TTLL11: variants seen among roughly 807,000 people sequenced by gnomAD.
The protein encoded by TTLL11 is tubulin tyrosine ligase like 11.
A neutral mutation model predicts 51.7 loss-of-function variants in TTLL11; 42 were observed. That is an observed-to-expected ratio of 0.81 (90% CI 0.64 to 1.05). The LOEUF is 1.05. TTLL11 is among the 50% of genes least tolerant of loss of function. The probability of loss-of-function intolerance (pLI) is 0.00; values close to 1 mark genes in which losing one functional copy is unlikely to be tolerated. For missense variants in TTLL11, 799 were observed against 940.4 expected (o/e 0.85, Z 1.97); for synonymous variants, 381 against 383.5 (o/e 0.99, Z 0.08).
chr9:121,931,583 TTAAAAAAAAAAA>T (rs1386220103), intron 6 of TTLL11, among the ~76,000 whole-genome samples: 1 of 103,836 alleles, frequency 9.6e-6, no homozygotes, highest in Non-Finnish European at 2.0e-5. Flanking sequence ...TTTCTACTAT[TTAAAAAAAAAAA>T]AAAAAAAAAA....
chr9:121,879,611 G>A (rs1250571841), intron 6 of TTLL11, among the ~76,000 whole-genome samples: 1 of 152,206 alleles, frequency 6.6e-6, no homozygotes, highest in African/African-American at 2.4e-5. Context: ...GCATCACACA[G>A]GGGTGGCAAA....
chr9:122,081,550 A>G (rs959883076), intron 1 of TTLL11, among the ~76,000 whole-genome samples: 1 of 152,248 alleles, frequency 6.6e-6, no homozygotes, highest in Admixed American at 6.5e-5. Flanking sequence ...AGATAAATCT[A>G]TGTGAAAGTT....
intron 3 of TTLL11, among the ~76,000 whole-genome samples, chr9:122,019,455 T>C (rs1425736638): frequency 6.6e-6 from 1 of 152,182 alleles, no homozygotes; most frequent in African/African-American, 2.4e-5. Flanking sequence ...CATTTATTTT[T>C]ATTATTTTTT....
chr9:122,070,490 C>T (rs1328152337), intron 1 of TTLL11, among the ~76,000 whole-genome samples: 3 of 151,256 alleles, frequency 2.0e-5, no homozygotes, highest in Non-Finnish European at 4.4e-5. Flanking sequence ...CTTGTCCCCT[C>T]GGCCCCTGCA....
chr9:121,837,721 T>A (rs1588058850), intron 8 of TTLL11, among the ~76,000 whole-genome samples: 1 of 152,114 alleles, frequency 6.6e-6, no homozygotes, highest in African/African-American at 2.4e-5. Context: ...CCTTCCCTCC[T>A]GGGGTGGCAC....
At chr9:122,015,496 T>C (rs1347277769) in intron 3 of TTLL11, among the ~76,000 whole-genome samples, 1 of 152,158 alleles carries the variant, frequency 6.6e-6, no homozygotes, top group Non-Finnish European at 1.5e-5. Context: ...TTACTAGTTA[T>C]GCGCCAGAAC....
chr9:121,943,858 G>A (rs1444232389), intron 6 of TTLL11, among the ~76,000 whole-genome samples: 1 of 152,204 alleles, frequency 6.6e-6, no homozygotes, highest in East Asian at 1.9e-4. Context: ...CTATCCCCCT[G>A]TGCACCCCAC....
chr9:121,996,101 G>C (rs1843251332), intron 3 of TTLL11, among the ~76,000 whole-genome samples: 1 of 152,302 alleles, frequency 6.6e-6, no homozygotes, highest in African/African-American at 2.4e-5. Context: ...TTACCCCTGA[G>C]GATTTGGGGC....
At position 121,974,095 on chromosome 9, in the gene TTLL11, G is replaced by A; in HGVS notation, c.1395C>T (p.Pro465=). Reference sequence around the variant, plus strand: ...CTTTCACTTCTTCATCAACGAGGCTGGGGACATTTTCAAACACCCCTGGAG... The same window carrying A: ...CTTTCACTTCTTCATCAACGAGGCTAGGGACATTTTCAAACACCCCTGGAG... ...ELSPGVFENV[P]SLVDEEVKVA... is the part of the protein sequence containing the mutation. Residue 465 remains proline, a synonymous_variant, in exon 6 of 9, where the codon CCC becomes CCT. Coordinates refer to ENST00000321582, the MANE Select transcript of TTLL11 (RefSeq NM_001139442.2). 2 of 1,551,574 alleles carry A rather than the reference G, an allele frequency of 1.3e-6. No homozygotes were observed. The highest frequency in any genetic ancestry group is 1.7e-6 in the Non-Finnish European group (2 of 1,146,960).
At position 121,899,400 on chromosome 9, in the gene TTLL11, T is replaced by C. The variant is rs370913252; in HGVS notation, c.1482-28652A>G. ...ATACATATATATATATATATATATATATACACACACACACACATTTAGAGA... is the reference window on the plus strand; with the variant it reads ...ATACATATATATATATATATATATACATACACACACACACACATTTAGAGA... On this transcript the variant is annotated intron_variant, in intron 6 of 8. Coordinates refer to ENST00000321582, the MANE Select transcript of TTLL11 (RefSeq NM_001139442.2). Among the ~76,000 whole-genome samples the C allele has an allele frequency of 6.2e-3, 486 of 77,838 alleles. 4 individuals carry two copies. Among genetic ancestry groups the C allele is most frequent in the African/African-American group, 0.015 (423 of 28,594 alleles). 51.1% of individuals were successfully genotyped at this position (77,838 alleles called of 152,430 possible).
chr9:121,986,677 G>A lies in TTLL11; in HGVS notation c.1269+2518C>T, dbSNP rs111956958. ...CCTGAATAGCCCTCCAAAAGGTGCC[G>A]CCAGCCTGCCTGGAAATCCTGCTGG... On this transcript the variant is annotated intron_variant, in intron 4 of 8. Coordinates refer to ENST00000321582, the MANE Select transcript of TTLL11 (RefSeq NM_001139442.2). 5.4e-3 allele frequency among the ~76,000 whole-genome samples: 821 copies of A among 152,008 alleles called. 1 individual carries two copies. Among genetic ancestry groups the A allele is most frequent in the Non-Finnish European group, 9.7e-3 (659 of 67,972 alleles).
chr9:122,001,514 TGAAGGGG>T (rs1386391345), intron 3 of TTLL11, among the ~76,000 whole-genome samples: 4 of 37,290 alleles, frequency 1.1e-4, no homozygotes, highest in African/African-American at 2.2e-4. Context: ...GTGGGAATCA[TGAAGGGG>T]GAAGGGGGGG....
chr9:122,069,613 T>C (rs1588255189), intron 1 of TTLL11, among the ~76,000 whole-genome samples: 1 of 151,812 alleles, frequency 6.6e-6, no homozygotes, highest in South Asian at 2.1e-4. Flanking sequence ...ACCCAGGAGG[T>C]GGAGCTTGCA....
Position 121,821,205 on chromosome 9 carries a change from T to C in TTLL11, c.*1382A>G, listed in dbSNP as rs1588046355. Among the ~76,000 whole-genome samples the C allele has an allele frequency of 6.6e-6, 1 of 152,070 alleles. No homozygotes were observed. The highest frequency in any genetic ancestry group is 1.5e-5 in the Non-Finnish European group (1 of 68,008). On this transcript the variant is annotated 3_prime_UTR_variant, in exon 9 of 9. Coordinates refer to ENST00000321582, the MANE Select transcript of TTLL11 (RefSeq NM_001139442.2). This position sits in a 1 kb window ranked among gnomAD's most constrained non-coding sequence, Gnocchi z 5.0. ...AACCAGGTCAACTGCTCTTATCAGT[T>C]TGGGTCAGGAGTCAGGGACAGGATG...
chr9:121,820,499 C>T lies in TTLL11; in HGVS notation c.*2088G>A, dbSNP rs1159153087. ...TTTAGGAGCCCTGACTGCCTTGTCC[C>T]ATGCCACCAGACCATGACGGACCCC... On this transcript the variant is annotated 3_prime_UTR_variant, in exon 9 of 9. Coordinates refer to ENST00000321582, the MANE Select transcript of TTLL11 (RefSeq NM_001139442.2). 6.6e-6 allele frequency among the ~76,000 whole-genome samples: 1 copy of T among 152,172 alleles called. No homozygotes were observed. The highest frequency in any genetic ancestry group is 1.5e-5 in the Non-Finnish European group (1 of 68,028).
In TTLL11 at chr9:121,818,580, G is replaced by A. The variant is rs1241151591; in HGVS notation, c.*4007C>T. 10 of 152,260 alleles carry A rather than the reference G, an allele frequency of 6.6e-5. No homozygotes were observed. Among genetic ancestry groups the A allele is most frequent in the Admixed American group, 6.5e-4 (10 of 15,290 alleles). The allele number at this position is 152,260 out of a possible 1,614,324, so 9.4% of individuals were successfully genotyped here. A position where few individuals can be genotyped will look rare whatever the true frequency, so the allele number is the denominator to read the frequency against. On this transcript the variant is annotated 3_prime_UTR_variant, in exon 9 of 9. Transcript: ENST00000321582. ...GTCCCACAGTGCGCGCGACAAGACA[G>A]GAACTTTCCAGTTCTTGGAAGTAGA...
intron 6 of TTLL11, among the ~76,000 whole-genome samples, chr9:121,883,313 T>G: frequency 6.6e-6 from 1 of 152,150 alleles, no homozygotes; most frequent in Non-Finnish European, 1.5e-5. Context: ...AGGGACTTGA[T>G]GGGGTGGTAT....
chr9:121,981,090 GT>G lies in TTLL11; in HGVS notation c.1270-6112del, dbSNP rs552008807. Among the ~76,000 whole-genome samples, 56 of 149,790 alleles carry G rather than the reference GT, an allele frequency of 3.7e-4. 2 individuals are homozygous for G. The South Asian group carries it at 0.012, about 31-fold the overall frequency. ...GAGCTTCTTAGATTGTGGGTTTATA[GT>G]TTTTTTTCAAATTTGGAAAATTTTG... On this transcript the variant is annotated intron_variant, in intron 4 of 8. Coordinates refer to ENST00000321582, the MANE Select transcript of TTLL11 (RefSeq NM_001139442.2).
At chr9:121,938,637 C>T (rs1841325511) in intron 6 of TTLL11, among the ~76,000 whole-genome samples, 1 of 151,716 alleles carries the variant, frequency 6.6e-6, no homozygotes, top group Non-Finnish European at 1.5e-5. Context: ...ACAGAAATGG[C>T]AAAGAATATG....
Sources: gnomAD v4.1 joint callset for allele counts (sites outside exome capture counted in the v4.1 genomes callset) on GRCh38, gnomAD v4.1.1 for gene constraint, Gnocchi (gnomAD v3.1) non-coding constraint, MANE v1.5 for transcripts, NCBI Gene and HGNC (gene_info 2026-07-23, HGNC 2026-07-21) for gene names.